The following PEX5L variants were observed in gnomAD, a reference collection of about 807,000 sequenced individuals.
PEX5L encodes the protein PEX5-related protein.
PEX5L carries 30 observed loss-of-function variants against 84.0 expected under a neutral mutation model. The ratio of observed to expected loss-of-function variants is 0.36; its 90% CI spans 0.27 to 0.48. The LOEUF (loss-of-function observed/expected upper bound fraction) is 0.48. Ranked by LOEUF, PEX5L falls within the 20% of genes least tolerant of loss-of-function variation. The pLI, the probability that PEX5L is intolerant of heterozygous loss-of-function variation, is 0.99. For missense variants in PEX5L, 533 were observed against 754.6 expected, an observed-to-expected ratio of 0.71 and a Z score of 3.44; for synonymous variants, 270 against 283.1, an observed-to-expected ratio of 0.95 and a Z score of 0.46.
chr3:179,879,995 T>C lies in PEX5L; in HGVS notation c.439A>G (p.Ile147Val). ...LKKKADGSDL[I>V]STDAEQRGQP... is the part of the protein sequence containing the mutation. ...CCTCTCTGCTCAGCATCCGTGCTGATGAGGTCAGATCCATCGGCCTTTTTC... is the reference window on the plus strand; with the variant it reads ...CCTCTCTGCTCAGCATCCGTGCTGACGAGGTCAGATCCATCGGCCTTTTTC... Residue 147 changes from isoleucine (I) to valine (V), a missense_variant, in exon 5 of 15, where the codon ATC becomes GTC. Ile to Val is a conservative substitution (Grantham distance 29). This residue lies in a region of PEX5L where 259 missense variants were observed against 301.7 expected (regional missense o/e 0.86). Transcript: ENST00000467460. 1 of 1,613,818 alleles carries C rather than the reference T, an allele frequency of 6.2e-7. No homozygotes were observed. The highest frequency in any genetic ancestry group is 1.1e-5 in the South Asian group (1 of 91,048).
chr3:179,805,220 A>C (rs1375289097), intron 14 of PEX5L, among the ~76,000 whole-genome samples: 1 of 147,278 alleles, frequency 6.8e-6, no homozygotes, highest in African/African-American at 2.5e-5. Context: ...CCCACCTGGC[A>C]TGACAATAAA....
chr3:179,945,176 C>G (rs1479947624), intron 2 of PEX5L, among the ~76,000 whole-genome samples: 1 of 152,174 alleles, frequency 6.6e-6, no homozygotes, highest in Non-Finnish European at 1.5e-5. Flanking sequence ...ACATCTCTAG[C>G]AACCAGAAGA....
At chr3:179,866,121 G>A (rs1748036114) in intron 7 of PEX5L, among the ~76,000 whole-genome samples, 1 of 152,088 alleles carries the variant, frequency 6.6e-6, no homozygotes, top group Non-Finnish European at 1.5e-5. Context: ...TGAATGATAA[G>A]CACTAGGTAA....
chr3:179,857,209 G>A (rs1744339653), intron 8 of PEX5L, among the ~76,000 whole-genome samples: 1 of 152,156 alleles, frequency 6.6e-6, no homozygotes, highest in Non-Finnish European at 1.5e-5. Context: ...TAACAACTCA[G>A]GTCCCAGTAC....
At chr3:179,979,916 G>T (rs1286273140) in intron 1 of PEX5L, among the ~76,000 whole-genome samples, 1 of 152,124 alleles carries the variant, frequency 6.6e-6, no homozygotes, top group Non-Finnish European at 1.5e-5. Context: ...CTCACTGGCA[G>T]CCAGCACACC....
chr3:179,827,723 C>A (rs533691150), intron 8 of PEX5L, among the ~76,000 whole-genome samples: 1 of 152,194 alleles, frequency 6.6e-6, no homozygotes, highest in East Asian at 1.9e-4. Flanking sequence ...GGTAGGCCAA[C>A]GAAATGTGTT....
chr3:179,975,189 TA>T (rs983151386), intron 1 of PEX5L, among the ~76,000 whole-genome samples: 1 of 151,910 alleles, frequency 6.6e-6, no homozygotes, highest in Non-Finnish European at 1.5e-5. Flanking sequence ...ACCCTGTCTC[TA>T]AAATAAAGAA....
In PEX5L at chr3:179,798,743, A is replaced by G. The variant is rs530708736; in HGVS notation, c.*3085T>C. 21 of 152,342 alleles carry G rather than the reference A, an allele frequency of 1.4e-4. No homozygotes were observed. Among genetic ancestry groups the G allele is most frequent in the African/African-American group, 5.0e-4 (21 of 41,588 alleles). 9.4% of individuals were successfully genotyped at this position (152,342 alleles called of 1,614,324 possible). A position where few individuals can be genotyped will look rare whatever the true frequency, so the allele number is the denominator to read the frequency against. On this transcript the variant is annotated 3_prime_UTR_variant, in exon 15 of 15. Transcript: ENST00000467460. ...ATACCCTCCCCTTTCAAACGGAAAGAGTAATTTAAATGACAATTTCATGCC... is the reference window on the plus strand; with the variant it reads ...ATACCCTCCCCTTTCAAACGGAAAGGGTAATTTAAATGACAATTTCATGCC...
intron 2 of PEX5L, among the ~76,000 whole-genome samples, chr3:179,923,847 TAAG>T (rs1445939903): frequency 6.6e-6 from 1 of 152,234 alleles, no homozygotes; most frequent in Non-Finnish European, 1.5e-5. Context: ...CAGTTATTTT[TAAG>T]AAGTTTTAGC....
At chr3:179,921,789 C>A (rs1038574077) in intron 2 of PEX5L, 6 of 152,204 alleles carry the variant, frequency 3.9e-5, no homozygotes, top group African/African-American at 9.7e-5. Flanking sequence ...TCATGCGCAT[C>A]CCCTACTACT....
At position 179,890,967 on chromosome 3, in the gene PEX5L, A is replaced by AT. The variant is rs34215597; in HGVS notation, c.199-3184dup. On this transcript the variant is annotated intron_variant, in intron 3 of 14. Coordinates refer to ENST00000467460, the MANE Select transcript of PEX5L (RefSeq NM_016559.3). ...TGTCTGCTTTACCAAAGGTAAAAAA[A>AT]TTTTTTTTTTTTTTTTTGGAGTCCG... Among the ~76,000 whole-genome samples, 371 of 143,526 alleles carry AT rather than the reference A, an allele frequency of 2.6e-3. 2 individuals are homozygous for AT. Among genetic ancestry groups the AT allele is most frequent in the African/African-American group, 5.6e-3 (219 of 39,120 alleles). 94.2% of individuals were successfully genotyped at this position (143,526 alleles called of 152,430 possible).
intron 1 of PEX5L, among the ~76,000 whole-genome samples, chr3:179,987,409 C>T (rs1786957101): frequency 6.6e-6 from 1 of 152,082 alleles, no homozygotes; most frequent in African/African-American, 2.4e-5. Context: ...AAAGATGGCT[C>T]AGAAACTCAA....
At chr3:179,940,460 T>C (rs1423657948) in intron 2 of PEX5L, among the ~76,000 whole-genome samples, 1 of 152,136 alleles carries the variant, frequency 6.6e-6, no homozygotes, top group Non-Finnish European at 1.5e-5. Context: ...AGAGACTTTC[T>C]GCATGAAGTG....
At chr3:179,953,005 G>T (rs894318495) in intron 2 of PEX5L, among the ~76,000 whole-genome samples, 2 of 152,148 alleles carry the variant, frequency 1.3e-5, no homozygotes, top group African/African-American at 4.8e-5. Flanking sequence ...ATGGGGAAAG[G>T]ATTCCCTATT....
intron 7 of PEX5L, among the ~76,000 whole-genome samples, chr3:179,868,027 A>C (rs35504390): frequency 0.48 from 68,993 of 144,382 alleles, 16,882 homozygotes; most frequent in East Asian, 0.8. Flanking sequence ...TTATGTATTT[A>C]TTCTTCTTCT....
chr3:179,853,362 T>C (rs1409772971), intron 8 of PEX5L, among the ~76,000 whole-genome samples: 1 of 152,244 alleles, frequency 6.6e-6, no homozygotes, highest in Non-Finnish European at 1.5e-5. Flanking sequence ...GCTGGCTCTC[T>C]TTCCCTTCCT....
chr3:179,814,958 A>G (rs962309910), intron 10 of PEX5L, among the ~76,000 whole-genome samples: 2 of 151,858 alleles, frequency 1.3e-5, no homozygotes, highest in African/African-American at 4.8e-5. Context: ...TGACTCCCCT[A>G]TTGCCTTTAA....
At chr3:179,925,610 T>A (rs528998052) in intron 2 of PEX5L, among the ~76,000 whole-genome samples, 1 of 152,366 alleles carries the variant, frequency 6.6e-6, no homozygotes, top group South Asian at 2.1e-4. Flanking sequence ...TTTAGATTAT[T>A]TCCTATTTTG....
At chr3:179,829,967 T>A (rs1156774713) in intron 8 of PEX5L, among the ~76,000 whole-genome samples, 1 of 134,616 alleles carries the variant, frequency 7.4e-6, no homozygotes, top group Non-Finnish European at 1.6e-5. Context: ...TTTTTTTTTT[T>A]TGTATTTTTA....
Sources: gnomAD v4.1 joint callset for allele counts (sites outside exome capture counted in the v4.1 genomes callset) on GRCh38, gnomAD v4.1.1 for gene constraint, gnomAD v4.1.1 regional missense constraint, MANE v1.5 for transcripts, NCBI Gene and HGNC (gene_info 2026-07-23, HGNC 2026-07-21) for gene names.